The following SEMA6D variants were observed in gnomAD, a reference collection of about 807,000 sequenced individuals.
SEMA6D encodes semaphorin-6D.
In SEMA6D, 35 loss-of-function variants were observed where a neutral mutation model predicts 106.6. The ratio of observed to expected loss-of-function variants is 0.33; its 90% CI spans 0.25 to 0.44. The LOEUF is 0.44. Ranked by LOEUF, SEMA6D falls within the 20% of genes least tolerant of loss-of-function variation. The pLI, the probability that SEMA6D is intolerant of heterozygous loss-of-function variation, is 1.00. For missense variants in SEMA6D, 1,185 were observed against 1,345.9 expected, an observed-to-expected ratio of 0.88 and a Z score of 1.87; for synonymous variants, 499 against 487.7, an observed-to-expected ratio of 1.02 and a Z score of -0.31.
At chr15:47,759,018 A>G (rs948457453) in intron 1 of SEMA6D, among the ~76,000 whole-genome samples, 2 of 152,160 alleles carry the variant, frequency 1.3e-5, no homozygotes, top group Admixed American at 6.6e-5. Flanking sequence ...TTGTGTCCAA[A>G]TGGTTTTATG....
At chr15:47,706,072 A>G (rs2078907601) in intron 4 of SEMA6D, among the ~76,000 whole-genome samples, 1 of 152,224 alleles carries the variant, frequency 6.6e-6, no homozygotes, top group African/African-American at 2.4e-5. Context: ...TGGTAGAGGG[A>G]ACTCAGGAGG....
chr15:47,617,857 T>A (rs1415573406), intron 4 of SEMA6D, among the ~76,000 whole-genome samples: 1 of 152,224 alleles, frequency 6.6e-6, no homozygotes, highest in Non-Finnish European at 1.5e-5. Context: ...TGTGTAACTA[T>A]TAGTTACTCT....
At position 47,273,645 on chromosome 15, in the gene SEMA6D, C is replaced by G. The variant is rs1320196078; in HGVS notation, c.-239+89227C>G. Among the ~76,000 whole-genome samples the G allele has an allele frequency of 2.6e-5, 4 of 152,184 alleles. No individual in the cohort carries two copies. The East Asian group carries it at 7.7e-4, about 29-fold the overall frequency. Reference sequence around the variant, plus strand: ...ATAAGCCTGCTATAATTCCAAACCACTTAGCAACCTTTTCTGTGTCATTCA... The same window carrying G: ...ATAAGCCTGCTATAATTCCAAACCAGTTAGCAACCTTTTCTGTGTCATTCA... On this transcript the variant is annotated intron_variant, in intron 1 of 19. Coordinates refer to the SEMA6D transcript ENST00000558014.
chr15:47,358,246 C>G (rs2038667069), intron 1 of SEMA6D, among the ~76,000 whole-genome samples: 1 of 152,174 alleles, frequency 6.6e-6, no homozygotes, highest in African/African-American at 2.4e-5. Flanking sequence ...TGGATAGTGG[C>G]TGCTTTCCTG....
At chr15:47,724,800 A>T (rs2079633964) in intron 1 of SEMA6D, among the ~76,000 whole-genome samples, 1 of 152,336 alleles carries the variant, frequency 6.6e-6, no homozygotes, top group South Asian at 2.1e-4. Flanking sequence ...AGATGGCCCT[A>T]CAGCTTAAGC....
intron 1 of SEMA6D, among the ~76,000 whole-genome samples, chr15:47,756,863 C>A (rs2081771883): frequency 6.6e-6 from 1 of 151,154 alleles, no homozygotes; most frequent in African/African-American, 2.4e-5. Context: ...TTAAATGCCT[C>A]CATTTATAAC....
chr15:47,649,710 G>T (rs530653823), intron 4 of SEMA6D, among the ~76,000 whole-genome samples: 1 of 152,216 alleles, frequency 6.6e-6, no homozygotes, highest in South Asian at 2.1e-4. Flanking sequence ...AGAAAGAAAA[G>T]AATACAAGTT....
At chr15:47,544,409 C>T (rs1005596607) in intron 3 of SEMA6D, among the ~76,000 whole-genome samples, 2 of 151,976 alleles carry the variant, frequency 1.3e-5, no homozygotes, top group Non-Finnish European at 2.9e-5. Context: ...TTTATTGGCT[C>T]GAAATTGAAT....
At chr15:47,608,981 G>A (rs2076837359) in intron 4 of SEMA6D, among the ~76,000 whole-genome samples, 1 of 152,036 alleles carries the variant, frequency 6.6e-6, no homozygotes, top group Non-Finnish European at 1.5e-5. Flanking sequence ...TTTGATTCTG[G>A]TTCACACATT....
At chr15:47,604,464 G>T (rs955964829) in intron 4 of SEMA6D, among the ~76,000 whole-genome samples, 1 of 152,098 alleles carries the variant, frequency 6.6e-6, no homozygotes, top group African/African-American at 2.4e-5. Flanking sequence ...AACTAAACAG[G>T]GATATGCTAA....
At chr15:47,227,804 G>C (rs931989642) in intron 1 of SEMA6D, among the ~76,000 whole-genome samples, 1 of 148,806 alleles carries the variant, frequency 6.7e-6, no homozygotes, top group Non-Finnish European at 1.5e-5. Context: ...GTGTGAATAA[G>C]AAAGCATTTT....
intron 1 of SEMA6D, among the ~76,000 whole-genome samples, chr15:47,213,210 G>A (rs886385182): frequency 6.6e-6 from 1 of 152,188 alleles, no homozygotes; most frequent in Admixed American, 6.5e-5. Context: ...TAGTGGCTGT[G>A]TATTTTGGAC....
intron 1 of SEMA6D, among the ~76,000 whole-genome samples, chr15:47,743,462 A>T (rs2080938457): frequency 6.6e-6 from 1 of 152,068 alleles, no homozygotes; most frequent in South Asian, 2.1e-4. Context: ...TGGACTAACC[A>T]CTTTTTTGGG....
At chr15:47,216,750 G>A (rs1290676413) in intron 1 of SEMA6D, among the ~76,000 whole-genome samples, 1 of 151,926 alleles carries the variant, frequency 6.6e-6, no homozygotes, top group Non-Finnish European at 1.5e-5. Context: ...CAAATGACCA[G>A]TAGATATATA....
chr15:47,616,537 G>A (rs1295745965), intron 4 of SEMA6D, among the ~76,000 whole-genome samples: 1 of 148,502 alleles, frequency 6.7e-6, no homozygotes, highest in Non-Finnish European at 1.5e-5. Flanking sequence ...AAGAGAGAGC[G>A]AGTATAAGAA....
At chr15:47,708,087 A>C (rs950771189) in intron 4 of SEMA6D, among the ~76,000 whole-genome samples, 5 of 152,176 alleles carry the variant, frequency 3.3e-5, no homozygotes, top group African/African-American at 1.2e-4. Flanking sequence ...CTTACGTCTG[A>C]AACCTCTTGC....
intron 2 of SEMA6D, among the ~76,000 whole-genome samples, chr15:47,418,282 G>T (rs1390842607): frequency 1.3e-5 from 2 of 152,058 alleles, no homozygotes; most frequent in Non-Finnish European, 2.9e-5. Flanking sequence ...TAGCAGGGAG[G>T]CTATTCAGTC....
chr15:47,414,294 A>G (rs984195998), intron 2 of SEMA6D, among the ~76,000 whole-genome samples: 1 of 152,178 alleles, frequency 6.6e-6, no homozygotes, highest in African/African-American at 2.4e-5. Flanking sequence ...AACTACCACC[A>G]AAGCCTAACT....
intron 4 of SEMA6D, among the ~76,000 whole-genome samples, chr15:47,666,185 T>C (rs2078023118): frequency 6.6e-6 from 1 of 152,224 alleles, no homozygotes; most frequent in Non-Finnish European, 1.5e-5. Context: ...TACAAACTTC[T>C]ATTCAGATTT....
Sources: allele counts gnomAD v4.1 joint callset (sites outside exome capture counted in the v4.1 genomes callset), GRCh38; gene constraint gnomAD v4.1.1; transcripts MANE v1.5; gene names NCBI Gene and HGNC (gene_info 2026-07-23, HGNC 2026-07-21).